ARFGEF1: variants seen among roughly 807,000 people sequenced by gnomAD.
ARFGEF1 encodes ARF guanine nucleotide exchange factor 1.
ARFGEF1 carries 42 observed loss-of-function variants against 231.0 expected under a neutral mutation model. The ratio of observed to expected loss-of-function variants is 0.18; its 90% CI spans 0.14 to 0.24. The LOEUF (loss-of-function observed/expected upper bound fraction) is 0.24, where lower values mean the gene tolerates loss of function less well. ARFGEF1 is among the 10% of genes least tolerant of loss of function. The probability of loss-of-function intolerance (pLI) is 1.00; values close to 1 mark genes in which losing one functional copy is unlikely to be tolerated. For missense variants in ARFGEF1, 1,345 were observed against 2,192.0 expected, an observed-to-expected ratio of 0.61 and a Z score of 7.72; for synonymous variants, 710 against 732.3, an observed-to-expected ratio of 0.97 and a Z score of 0.49.
At chr8:67,265,139 G>A (rs1804797635) in intron 14 of ARFGEF1, among the ~76,000 whole-genome samples, 1 of 152,136 alleles carries the variant, frequency 6.6e-6, no homozygotes, top group South Asian at 2.1e-4. Context: ...AATTAATGCA[G>A]TAGTGACAGC....
chr8:67,184,727 A>T (rs546470786), intron 5 of ARFGEF1, among the ~76,000 whole-genome samples: 17 of 148,120 alleles, frequency 1.1e-4, no homozygotes, highest in Admixed American at 4.0e-4. Flanking sequence ...CTGTCTAAAA[A>T]AATAATAATA....
intron 5 of ARFGEF1, among the ~76,000 whole-genome samples, chr8:67,189,462 G>T (rs971768141): frequency 2.1e-4 from 32 of 152,154 alleles, no homozygotes; most frequent in African/African-American, 7.2e-4. Flanking sequence ...CCATGAAAAG[G>T]CATGGAAGGA....
chr8:67,193,520 T>C (rs2129575946), downstream of ARFGEF1: 4 of 1,612,900 alleles, frequency 2.5e-6, no homozygotes, highest in Non-Finnish European at 3.4e-6. Flanking sequence ...CTATATCCAG[T>C]GTAAATGTTG....
downstream of ARFGEF1, chr8:67,174,836 CATG>C (rs1831230731): frequency 6.5e-6 from 1 of 154,230 alleles, no homozygotes; most frequent in African/African-American, 2.4e-5. Flanking sequence ...TTGCTTTCTG[CATG>C]ATATTTGTAA....
At chr8:67,315,210 C>A (rs1341198873) in intron 1 of ARFGEF1, among the ~76,000 whole-genome samples, 1 of 152,098 alleles carries the variant, frequency 6.6e-6, no homozygotes, top group Admixed American at 6.5e-5. Context: ...ATCAAGAATA[C>A]ATAGTAATCC....
At position 67,225,047 on chromosome 8, in the gene ARFGEF1, G is replaced by A. The variant is rs750750328; in HGVS notation, c.4078-14C>T. Reference sequence around the variant, plus strand: ...TTCCTTGAAAGCCTTCAAGAAAAAAGGTAGGGTTATTAAAGGCAAAACATA... The same window carrying A: ...TTCCTTGAAAGCCTTCAAGAAAAAAAGTAGGGTTATTAAAGGCAAAACATA... On this transcript the variant is annotated splice_polypyrimidine_tract_variant and intron_variant, in intron 28 of 38. Transcript: ENST00000262215. The A allele has an allele frequency of 5.9e-5, 93 of 1,576,696 alleles. No individual in the cohort carries two copies. In the Admixed American group the frequency reaches 7.7e-4, roughly 13 times the overall value.
chr8:67,292,431 G>A (rs1158670410), intron 5 of ARFGEF1, among the ~76,000 whole-genome samples: 1 of 152,062 alleles, frequency 6.6e-6, no homozygotes, highest in African/African-American at 2.4e-5. Flanking sequence ...CATACAGAAA[G>A]TCTATAAAAA....
chr8:67,334,284 CAAAA>C (rs35170687), intron 1 of ARFGEF1, among the ~76,000 whole-genome samples: 4 of 104,948 alleles, frequency 3.8e-5, no homozygotes, highest in East Asian at 2.6e-4. Flanking sequence ...TTCCAAAGTC[CAAAA>C]AAAAAAAAAA....
chr8:67,280,881 A>C (rs751964277), intron 7 of ARFGEF1, among the ~76,000 whole-genome samples: 1 of 152,210 alleles, frequency 6.6e-6, no homozygotes, highest in African/African-American at 2.4e-5. Flanking sequence ...CAAAAACATA[A>C]AGTTTACAGC....
intron 14 of ARFGEF1, among the ~76,000 whole-genome samples, chr8:67,265,000 A>G (rs916050870): frequency 6.6e-6 from 1 of 152,208 alleles, no homozygotes; most frequent in South Asian, 2.1e-4. Flanking sequence ...TTCAATATGC[A>G]TATTTGTTTA....
At position 67,182,565 on chromosome 8, in the gene ARFGEF1, T is replaced by C. The variant is rs189875851; in HGVS notation, c.561-6993A>G. On this transcript the variant is annotated intron_variant, in intron 5 of 5. Transcript: ENST00000518789. ...TTAATTATTTGAAGACTCACCACAT[T>C]GTTTTCCACAGCAGCTGTACCATTT... is the stretch of plus-strand genomic sequence containing the variant. Among the ~76,000 whole-genome samples, 82 of 152,350 alleles carry C rather than the reference T, an allele frequency of 5.4e-4. 1 individual carries two copies. The highest frequency in any genetic ancestry group is 1.6e-3 in the African/African-American group (66 of 41,580).
Position 67,338,082 on chromosome 8 carries a change from G to GTTAAC in ARFGEF1, c.124+5081_124+5082insGTTAA, listed in dbSNP as rs1808430349. Among the ~76,000 whole-genome samples, 4 of 152,184 alleles carry GTTAAC rather than the reference G, an allele frequency of 2.6e-5. No individual in the cohort carries two copies. The South Asian group carries it at 8.3e-4, about 32-fold the overall frequency. ...TTCCCATTCACAATTTTCTCTCTAA[G>GTTAAC]TTAAACCTTACCAAGAGACACAAAT... On this transcript the variant is annotated intron_variant, in intron 1 of 38. Coordinates refer to ENST00000262215, the MANE Select transcript of ARFGEF1 (RefSeq NM_006421.5).
Position 67,296,617 on chromosome 8 carries a change from G to GAA in ARFGEF1, c.460-9_460-8dup. ...TTACTGCAGTAAGTAAAGCCTTTAAGAAAAAAAAAGGAAAAAGTTAAAGAG... is the reference window on the plus strand; with the variant it reads ...TTACTGCAGTAAGTAAAGCCTTTAAGAAAAAAAAAAAGGAAAAAGTTAAAGAG... On this transcript the variant is annotated splice_polypyrimidine_tract_variant and splice_region_variant and intron_variant, in intron 4 of 38. Coordinates refer to ENST00000262215, the MANE Select transcript of ARFGEF1 (RefSeq NM_006421.5). The GAA allele has an allele frequency of 1.4e-6, 2 of 1,461,610 alleles. No homozygotes were observed. Among genetic ancestry groups the GAA allele is most frequent in the Non-Finnish European group, 9.2e-7 (1 of 1,089,504 alleles). The allele number at this position is 1,461,610 out of a possible 1,614,324, so 90.5% of individuals were successfully genotyped here. A position where few individuals can be genotyped will look rare whatever the true frequency, so the allele number is the denominator to read the frequency against.
chr8:67,324,737 C>G (rs1807751570), intron 1 of ARFGEF1, among the ~76,000 whole-genome samples: 2 of 152,056 alleles, frequency 1.3e-5, no homozygotes, highest in Admixed American at 6.6e-5. Flanking sequence ...TCCCTAGTGC[C>G]TAATACAATT....
intron 4 of ARFGEF1, 95 bp from the exon 5 acceptor site, chr8:67,296,705 C>T: frequency 1.0e-6 from 1 of 981,052 alleles, no homozygotes; most frequent in Non-Finnish European, 1.5e-6. Flanking sequence ...GGCTGGAGTG[C>T]AGTAGTGTGA....
intron 29 of ARFGEF1, among the ~76,000 whole-genome samples, chr8:67,221,476 G>T (rs947910830): frequency 6.6e-6 from 1 of 151,770 alleles, no homozygotes; most frequent in Non-Finnish European, 1.5e-5. Flanking sequence ...AGTCTAAAAA[G>T]TAAAAAATAA....
chr8:67,297,503 C>A (rs1806288562), intron 4 of ARFGEF1, among the ~76,000 whole-genome samples: 1 of 152,164 alleles, frequency 6.6e-6, no homozygotes, highest in Admixed American at 6.5e-5. Context: ...TCATTTGAGT[C>A]AGGGAGGTCA....
Position 67,253,589 on chromosome 8 carries a change from T to C in ARFGEF1, c.2560A>G (p.Lys854Glu). Reference protein sequence around the residue: ...KNKMTKEQYIKMNRGINDSKD... With the variant: ...KNKMTKEQYIEMNRGINDSKD... ...CTGTCATTGATACCTCTATTCATCT[T>C]AATGTATTGTTCCTTTGTCATTTTA... Residue 854 changes from lysine to glutamate, a missense_variant, in exon 18 of 39, where the codon AAG becomes GAG. Transcript: ENST00000262215. 1 of 1,556,438 alleles carries C rather than the reference T, an allele frequency of 6.4e-7. No homozygotes were observed. The highest frequency in any genetic ancestry group is 8.8e-7 in the Non-Finnish European group (1 of 1,140,840).
intron 1 of ARFGEF1, among the ~76,000 whole-genome samples, chr8:67,311,347 G>T (rs1249960740): frequency 8.1e-6 from 1 of 123,400 alleles, no homozygotes; most frequent in African/African-American, 3.2e-5. Context: ...GGGCGCCTCT[G>T]CCCGGCCGCC....
Sources: gnomAD v4.1 joint callset for allele counts (sites outside exome capture counted in the v4.1 genomes callset) on GRCh38, gnomAD v4.1.1 for gene constraint, MANE v1.5 for transcripts, NCBI Gene and HGNC (gene_info 2026-07-23, HGNC 2026-07-21) for gene names.